ERG: variants seen among roughly 807,000 people sequenced by gnomAD.
The protein encoded by ERG is ETS transcription factor ERG, also known as transcriptional regulator ERG.
ERG carries 9 observed loss-of-function variants against 55.3 expected under a neutral mutation model. The observed-to-expected ratio is 0.16, with a 90% CI of 0.10 to 0.28. The LOEUF (loss-of-function observed/expected upper bound fraction) is 0.28. Among genes scored for constraint, ERG ranks in the 10% least tolerant of loss-of-function variants. The probability of loss-of-function intolerance (pLI) is 1.00; values close to 1 mark genes in which losing one functional copy is unlikely to be tolerated. For synonymous variants in ERG, 223 were observed against 237.3 expected, an observed-to-expected ratio of 0.94 and a Z score of 0.55; for missense variants, 434 against 631.6, an observed-to-expected ratio of 0.69 and a Z score of 3.35.
chr21:38,492,263 T>G (rs2059342866), intron 1 of ERG, among the ~76,000 whole-genome samples: 1 of 152,168 alleles, frequency 6.6e-6, no homozygotes, highest in Non-Finnish European at 1.5e-5. Context: ...ATTATGAGAG[T>G]TTAGCACAGG....
chr21:38,582,523 T>G (rs533437657), intron 1 of ERG, among the ~76,000 whole-genome samples: 6 of 152,142 alleles, frequency 3.9e-5, no homozygotes, highest in Admixed American at 6.5e-5. Flanking sequence ...AGTGCAAGAG[T>G]TGGCCTGTAT....
chr21:38,397,501 G>A (rs1262624690), intron 6 of ERG, among the ~76,000 whole-genome samples: 2 of 149,630 alleles, frequency 1.3e-5, no homozygotes, highest in Non-Finnish European at 1.5e-5. Context: ...GGGAGGCTGA[G>A]GCAGAAGAAT....
intron 1 of ERG, among the ~76,000 whole-genome samples, chr21:38,468,062 G>A (rs1250433011): frequency 6.6e-6 from 1 of 152,216 alleles, no homozygotes; most frequent in Non-Finnish European, 1.5e-5. Context: ...CAGAAAAGGA[G>A]AAAAGGTGAA....
At chr21:38,551,038 A>G (rs1299845961) in intron 2 of ERG, among the ~76,000 whole-genome samples, 2 of 152,188 alleles carry the variant, frequency 1.3e-5, no homozygotes, top group Non-Finnish European at 2.9e-5. Context: ...TTTATTGAGG[A>G]AAAATAACTA....
chr21:38,648,102 C>A (rs2060467605), intron 1 of ERG, among the ~76,000 whole-genome samples: 1 of 152,184 alleles, frequency 6.6e-6, no homozygotes, highest in South Asian at 2.1e-4. Context: ...TTAACTTTCC[C>A]AAATATGTAA....
upstream of ERG, among the ~76,000 whole-genome samples, chr21:38,589,234 G>A (rs916081690): frequency 6.6e-6 from 1 of 152,158 alleles, no homozygotes; most frequent in Non-Finnish European, 1.5e-5. Flanking sequence ...CCACGTGCGT[G>A]ACAGCAGCCT....
intron 1 of ERG, among the ~76,000 whole-genome samples, chr21:38,634,402 A>G (rs1339738317): frequency 6.6e-6 from 1 of 152,192 alleles, no homozygotes; most frequent in Non-Finnish European, 1.5e-5. Flanking sequence ...GGGAATGGCT[A>G]TTTTATGAGG....
intron 3 of ERG, among the ~76,000 whole-genome samples, chr21:38,418,878 GA>G (rs1305740830): frequency 7.3e-6 from 1 of 137,842 alleles, no homozygotes; most frequent in Non-Finnish European, 1.5e-5. Context: ...AGTGAGCTGA[GA>G]TCCTGCCATT....
In ERG at chr21:38,605,938, ATAGG is replaced by A. The variant is rs542318861; in HGVS notation, c.-149-20997_-149-20994del. ...AGATAGGAGATAGGTACGTAGGTAA[ATAGG>A]TAGATGATTGATAGAAGTAGGTAGG... On this transcript the variant is annotated intron_variant, in intron 1 of 10. Coordinates refer to the ERG transcript ENST00000398910. Among the ~76,000 whole-genome samples the A allele has an allele frequency of 1.2e-4, 18 of 152,056 alleles. No homozygotes were observed. The South Asian group carries it at 3.7e-3, about 32-fold the overall frequency.
Position 38,533,925 on chromosome 21 carries a change from C to T in ERG, c.-41+41737G>A, listed in dbSNP as rs144049710. On this transcript the variant is annotated intron_variant, in intron 2 of 8. Transcript: ENST00000398897. ...TTCATGCACTAATCATGGGGAGTTA[C>T]GATGTAAATAGAGCCATTTTTTTTC... Among the ~76,000 whole-genome samples the T allele has an allele frequency of 6.6e-5, 10 of 152,204 alleles. 1 individual carries two copies. The highest frequency in any genetic ancestry group is 2.1e-4 in the South Asian group (1 of 4,820).
At chr21:38,616,377 AT>A (rs1263776347) in intron 1 of ERG, among the ~76,000 whole-genome samples, 1 of 152,208 alleles carries the variant, frequency 6.6e-6, no homozygotes, top group Non-Finnish European at 1.5e-5. Flanking sequence ...TGAATGATTT[AT>A]GAATGATGGG....
At chr21:38,414,433 A>C (rs543579029) in intron 3 of ERG, among the ~76,000 whole-genome samples, 1 of 152,328 alleles carries the variant, frequency 6.6e-6, no homozygotes, top group Non-Finnish European at 1.5e-5. Context: ...AACCTGTAAC[A>C]GGCAGCTGTT....
intron 1 of ERG, among the ~76,000 whole-genome samples, chr21:38,600,700 A>G (rs1057196843): frequency 9.2e-5 from 14 of 152,240 alleles, no homozygotes; most frequent in African/African-American, 3.4e-4. Context: ...GCATGGAATC[A>G]CAGAACCAGT....
intron 2 of ERG, among the ~76,000 whole-genome samples, chr21:38,426,992 CCT>C (rs1475030210): frequency 1.3e-5 from 2 of 152,164 alleles, no homozygotes; most frequent in African/African-American, 2.4e-5. Context: ...CAGACCAACC[CCT>C]TTTTCATTTT....
rs574654171 is a variant in ERG at position 38,413,345 on chromosome 21, T to C, written c.389-9636A>G. Among the ~76,000 whole-genome samples, 3 of 152,344 alleles carry C rather than the reference T, an allele frequency of 2.0e-5. No individual in the cohort carries two copies. In the South Asian group the frequency reaches 6.2e-4, roughly 32 times the overall value. ...TTTTATAGTAACCTCTCTATTTTAC[T>C]AGAACCAAGAGCCCTCTCTGCATAC... On this transcript the variant is annotated intron_variant, in intron 3 of 9. Transcript: ENST00000288319.
chr21:38,509,486 A>G (rs2059495118), intron 2 of ERG, among the ~76,000 whole-genome samples: 1 of 152,202 alleles, frequency 6.6e-6, no homozygotes, highest in Non-Finnish European at 1.5e-5. Flanking sequence ...GAACATCAAC[A>G]GTTCCTTCCT....
intron 1 of ERG, among the ~76,000 whole-genome samples, chr21:38,624,770 T>G (rs1347722949): frequency 6.6e-6 from 1 of 152,218 alleles, no homozygotes; most frequent in Non-Finnish European, 1.5e-5. Flanking sequence ...GAATAGATAT[T>G]TTAATAAATG....
intron 1 of ERG, among the ~76,000 whole-genome samples, chr21:38,592,087 T>C (rs972499089): frequency 1.1e-4 from 16 of 152,206 alleles, no homozygotes; most frequent in Admixed American, 6.5e-5. Context: ...GGGACCCCAC[T>C]GTCTCAGAAG....
chr21:38,450,929 G>A (rs1241427682), intron 1 of ERG: 4 of 455,750 alleles, frequency 8.8e-6, no homozygotes, highest in South Asian at 1.6e-5. Flanking sequence ...CAGAAAGTGC[G>A]ATTAGAGAAG....
Sources: allele counts gnomAD v4.1 joint callset (sites outside exome capture counted in the v4.1 genomes callset), GRCh38; gene constraint gnomAD v4.1.1; transcripts MANE v1.5; gene names NCBI Gene and HGNC (gene_info 2026-07-23, HGNC 2026-07-21).